KHDRBS2: variants seen among roughly 807,000 people sequenced by gnomAD.
The protein encoded by KHDRBS2 is KH RNA binding domain containing, signal transduction associated 2, also known as KH domain-containing, RNA-binding, signal transduction-associated protein 2.
In KHDRBS2, 26 loss-of-function variants were observed where a neutral mutation model predicts 44.3. That is an observed-to-expected ratio of 0.59 (90% CI 0.43 to 0.81). The LOEUF (loss-of-function observed/expected upper bound fraction) is 0.81. KHDRBS2 is among the 40% of genes least tolerant of loss of function. The pLI, the probability that KHDRBS2 is intolerant of heterozygous loss-of-function variation, is 0.00. For missense variants in KHDRBS2, 476 were observed against 433.1 expected (o/e 1.10, Z -0.88); for synonymous variants, 194 against 151.1 (o/e 1.28, Z -2.08).
At chr6:61,714,939 A>C (rs534725285) in intron 7 of KHDRBS2, among the ~76,000 whole-genome samples, 34 of 151,898 alleles carry the variant, frequency 2.2e-4, no homozygotes, top group Non-Finnish European at 4.6e-4. Flanking sequence ...AAATTACTTA[A>C]TAGGTCCAAT....
chr6:62,130,114 A>G (rs1473870679), intron 2 of KHDRBS2, among the ~76,000 whole-genome samples: 1 of 152,196 alleles, frequency 6.6e-6, no homozygotes, highest in Admixed American at 6.5e-5. Context: ...GTCTATGAAA[A>G]CTAATTTATA....
At chr6:61,771,771 A>C (rs1450653771) in intron 6 of KHDRBS2, among the ~76,000 whole-genome samples, 1 of 152,196 alleles carries the variant, frequency 6.6e-6, no homozygotes, top group Admixed American at 6.5e-5. Flanking sequence ...AACATTAGAC[A>C]GATCAACGGA....
intron 2 of KHDRBS2, among the ~76,000 whole-genome samples, chr6:62,157,748 A>T (rs941978130): frequency 6.6e-6 from 1 of 152,162 alleles, no homozygotes; most frequent in African/African-American, 2.4e-5. Context: ...CCACTTCCAA[A>T]CATTTGAACA....
At chr6:61,852,895 C>A (rs1193842968) in intron 6 of KHDRBS2, among the ~76,000 whole-genome samples, 1 of 152,126 alleles carries the variant, frequency 6.6e-6, no homozygotes, top group Non-Finnish European at 1.5e-5. Flanking sequence ...AAACCACCTA[C>A]ATATATAACA....
rs1332824208 is a variant in KHDRBS2, at chr6:62,064,892, G to C, written c.220-16898C>G. On this transcript the variant is annotated intron_variant, in intron 2 of 8. Coordinates refer to ENST00000281156, the MANE Select transcript of KHDRBS2 (RefSeq NM_152688.4). ...TTCGCAACCTACTCATCTGACAAAG[G>C]GCTAATATCCAGAATCTACAATGAA... Among the ~76,000 whole-genome samples, 3 of 149,332 alleles carry C rather than the reference G, an allele frequency of 2.0e-5. No homozygotes were observed. The South Asian group carries it at 6.3e-4, about 31-fold the overall frequency.
the KHDRBS2 span, among the ~76,000 whole-genome samples, chr6:61,632,338 T>C: frequency 0.19 from 29,259 of 151,958 alleles, 2,962 homozygotes; most frequent in African/African-American, 0.23. Context: ...ATCAGTGCAG[T>C]AAAGGAGGAA....
intron 2 of KHDRBS2, among the ~76,000 whole-genome samples, chr6:62,065,857 A>G (rs1562771918): frequency 6.6e-6 from 1 of 151,878 alleles, no homozygotes; most frequent in Non-Finnish European, 1.5e-5. Flanking sequence ...ATGATTCAAC[A>G]TGAATTTTAA....
chr6:62,084,158 C>G (rs1446084584), intron 2 of KHDRBS2, among the ~76,000 whole-genome samples: 2 of 152,068 alleles, frequency 1.3e-5, no homozygotes, highest in Non-Finnish European at 2.9e-5. Flanking sequence ...TGCTTCCTGT[C>G]TACCTTTGGT....
chr6:61,810,757 C>T (rs1562227629), intron 6 of KHDRBS2, among the ~76,000 whole-genome samples: 1 of 151,874 alleles, frequency 6.6e-6, no homozygotes, highest in East Asian at 1.9e-4. Flanking sequence ...ATAAAATAAG[C>T]TACATCTTTA....
chr6:61,607,622 T>A, the KHDRBS2 span, among the ~76,000 whole-genome samples: 1 of 145,470 alleles, frequency 6.9e-6, no homozygotes, highest in Non-Finnish European at 1.5e-5. Flanking sequence ...TTTAAAAAAA[T>A]TAACACTTAC....
chr6:61,724,146 A>T (rs2127557143), intron 7 of KHDRBS2, among the ~76,000 whole-genome samples: 1 of 152,286 alleles, frequency 6.6e-6, no homozygotes, highest in South Asian at 2.1e-4. Context: ...GCCAGGAGAG[A>T]TTGGGGGCCA....
At chr6:61,629,043 C>T in the KHDRBS2 span, among the ~76,000 whole-genome samples, 1 of 152,062 alleles carries the variant, frequency 6.6e-6, no homozygotes, top group East Asian at 1.9e-4. Context: ...CTAATCAACC[C>T]AATAATTTAA....
intron 2 of KHDRBS2, among the ~76,000 whole-genome samples, chr6:62,117,288 G>A (rs1332834900): frequency 6.6e-6 from 1 of 151,910 alleles, no homozygotes; most frequent in African/African-American, 2.4e-5. Flanking sequence ...TTTTGATAGT[G>A]GCTATCTTAA....
At chr6:62,217,347 A>G (rs982434052) in intron 1 of KHDRBS2, among the ~76,000 whole-genome samples, 2 of 151,836 alleles carry the variant, frequency 1.3e-5, no homozygotes, top group African/African-American at 4.8e-5. Context: ...TTTAAGGAGT[A>G]TATATTCAAC....
the KHDRBS2 span, among the ~76,000 whole-genome samples, chr6:61,556,872 A>AT: frequency 3.5e-3 from 305 of 87,470 alleles, 13 homozygotes; most frequent in South Asian, 7.4e-3. Context: ...TGAAATTGAG[A>AT]TTTTTTTTTT....
the KHDRBS2 span, among the ~76,000 whole-genome samples, chr6:61,608,980 T>C: frequency 6.6e-6 from 1 of 152,192 alleles, no homozygotes; most frequent in South Asian, 2.1e-4. Flanking sequence ...GGTCAAATGG[T>C]ATATCTGGTT....
chr6:61,834,383 T>C (rs1236228792), intron 6 of KHDRBS2, among the ~76,000 whole-genome samples: 1 of 152,082 alleles, frequency 6.6e-6, no homozygotes, highest in Non-Finnish European at 1.5e-5. Context: ...AACTACATAA[T>C]GAAGTCAACA....
the KHDRBS2 span, among the ~76,000 whole-genome samples, chr6:61,546,171 C>A: frequency 1.3e-5 from 2 of 151,402 alleles, no homozygotes; most frequent in African/African-American, 2.4e-5. Context: ...AGTTTTCTGA[C>A]AAAATTTTAA....
intron 4 of KHDRBS2, among the ~76,000 whole-genome samples, chr6:61,922,120 A>T (rs1015614781): frequency 6.6e-6 from 1 of 152,096 alleles, no homozygotes; most frequent in Non-Finnish European, 1.5e-5. Flanking sequence ...AATTTCTAAA[A>T]ATCTATTTGT....
Sources: gnomAD v4.1 joint callset for allele counts (sites outside exome capture counted in the v4.1 genomes callset) on GRCh38, gnomAD v4.1.1 for gene constraint, MANE v1.5 for transcripts, NCBI Gene and HGNC (gene_info 2026-07-23, HGNC 2026-07-21) for gene names.